TOP1MT: variants seen among roughly 807,000 people sequenced by gnomAD.
The protein encoded by TOP1MT is DNA topoisomerase I mitochondrial.
In TOP1MT, 80 loss-of-function variants were observed where a neutral mutation model predicts 73.9. The observed-to-expected ratio is 1.08, with a 90% CI of 0.90 to 1.30. TOP1MT has a LOEUF of 1.30. Ranked by LOEUF, TOP1MT falls within the 50% of genes most tolerant of loss-of-function variation. The pLI is 0.00. For synonymous variants in TOP1MT, 338 were observed against 326.4 expected, an observed-to-expected ratio of 1.04 and a Z score of -0.38; for missense variants, 815 against 808.0, an observed-to-expected ratio of 1.01 and a Z score of -0.10.
Position 143,329,348 on chromosome 8 carries a change from A to C in TOP1MT, c.360+2T>G, listed in dbSNP as rs773764755. The C allele has an allele frequency of 2.5e-5, 40 of 1,603,030 alleles. No homozygotes were observed. The highest frequency in any genetic ancestry group is 2.5e-6 in the Non-Finnish European group (3 of 1,176,728). On this transcript the variant is annotated splice_donor_variant, in intron 3 of 13. Transcript: ENST00000329245. LOFTEE classifies it high-confidence loss of function. ...GCTGTGGCGGCCGCCCAGGGTACCTACCTTTCGCCAGTCATTGAAGAAGTT... is the reference window on the plus strand; with the variant it reads ...GCTGTGGCGGCCGCCCAGGGTACCTCCCTTTCGCCAGTCATTGAAGAAGTT...
chr8:143,338,686 G>A (rs1471822892), upstream of TOP1MT, among the ~76,000 whole-genome samples: 1 of 152,240 alleles, frequency 6.6e-6, no homozygotes, highest in Non-Finnish European at 1.5e-5. Flanking sequence ...CATCAGCCAT[G>A]GGAGAAATGC....
At chr8:143,358,502 G>A (rs1817449054), upstream of TOP1MT, 1 of 152,228 alleles carries the variant, frequency 6.6e-6, no homozygotes, top group Non-Finnish European at 1.5e-5. Context: ...TGGGCAAGCA[G>A]GTGAAGCACC....
intron 12 of TOP1MT, among the ~76,000 whole-genome samples, chr8:143,313,126 G>GTA (rs1487274803): frequency 6.6e-6 from 1 of 152,204 alleles, no homozygotes; most frequent in Non-Finnish European, 1.5e-5. Flanking sequence ...TGACCTAAAT[G>GTA]TAAGAGTAAA....
In TOP1MT at chr8:143,315,718, G is replaced by T. The variant is rs1237424418; in HGVS notation, c.1553+9C>A. The T allele has an allele frequency of 6.2e-7, 1 of 1,612,668 alleles. No individual in the cohort carries two copies. On this transcript the variant is annotated intron_variant, in intron 12 of 13. Transcript: ENST00000329245. ...CCGGGAGAAGGCGTCTGAGGGCACGGGTACTCACCTCCTGGACTTGCCATC... is the reference window on the plus strand; with the variant it reads ...CCGGGAGAAGGCGTCTGAGGGCACGTGTACTCACCTCCTGGACTTGCCATC...
At chr8:143,336,703 C>T (rs1333270496), upstream of TOP1MT, among the ~76,000 whole-genome samples, 1 of 152,150 alleles carries the variant, frequency 6.6e-6, no homozygotes, top group East Asian at 1.9e-4. Context: ...CAAAAATTGG[C>T]CGAGCACCGT....
rs1318320831 is a variant in TOP1MT, at chr8:143,316,111, G to A, written c.1346C>T (p.Ala449Val). 1.9e-6 allele frequency: 3 copies of A among 1,614,036 alleles called. No homozygotes were observed. Among genetic ancestry groups the A allele is most frequent in the Non-Finnish European group, 2.5e-6 (3 of 1,179,998 alleles). Residue 449 changes from alanine (A) to valine (V), a missense_variant, in exon 11 of 14, where the codon GCA becomes GTA. By Grantham distance (64) the Ala-to-Val change is moderately conservative. Coordinates refer to ENST00000329245, the MANE Select transcript of TOP1MT (RefSeq NM_052963.3). ...TCGGTTGTAGGATAAGATCTTAGCTGCTATGCTGTCCTCGGCTGAGAGGCA... is the reference window on the plus strand; with the variant it reads ...TCGGTTGTAGGATAAGATCTTAGCTACTATGCTGTCCTCGGCTGAGAGGCA... Reference protein sequence around the residue: ...RALTRAEDSIAAKILSYNRAN... With the variant: ...RALTRAEDSIVAKILSYNRAN...
intron 2 of TOP1MT, among the ~76,000 whole-genome samples, chr8:143,340,806 C>T (rs757989321): frequency 1.3e-5 from 2 of 152,224 alleles, no homozygotes; most frequent in Admixed American, 6.5e-5. Flanking sequence ...TCCTGTCCCA[C>T]TTTTGTGCCA....
chr8:143,314,131 C>T (rs1170600966), intron 12 of TOP1MT, among the ~76,000 whole-genome samples: 2 of 152,146 alleles, frequency 1.3e-5, no homozygotes, highest in Non-Finnish European at 2.9e-5. Flanking sequence ...CCCTCACACA[C>T]TGCTGGTGGG....
intron 7 of TOP1MT, among the ~76,000 whole-genome samples, chr8:143,321,791 G>A (rs1237937131): frequency 2.2e-4 from 8 of 36,658 alleles, no homozygotes; most frequent in Middle Eastern, 0.026. Context: ...CGCCACACAC[G>A]CACGCCACAC....
At chr8:143,328,963 G>T (rs113967048) in intron 3 of TOP1MT, among the ~76,000 whole-genome samples, 2 of 152,208 alleles carry the variant, frequency 1.3e-5, no homozygotes, top group Non-Finnish European at 2.9e-5. Context: ...TTCTCGCCAA[G>T]CATGTCTTCC....
At chr8:143,324,423 C>T in intron 6 of TOP1MT, 62 bp downstream of exon 6, 8 of 1,609,566 alleles carry the variant, frequency 5.0e-6, no homozygotes, top group Non-Finnish European at 6.8e-6. Context: ...TACACACCTC[C>T]CTGCCGGCGT....
chr8:143,323,278 C>CAG (rs200364812), intron 7 of TOP1MT, among the ~76,000 whole-genome samples: 1 of 109,512 alleles, frequency 9.1e-6, no homozygotes, highest in African/African-American at 3.8e-5. Context: ...ACGCCACACA[C>CAG]GCACGCCACA....
chr8:143,318,036 G>A lies in TOP1MT; in HGVS notation c.1197C>T (p.Asp399=). ...GGCTTACGGTCAGCCTGTCGAAGAG[G>A]TCGTCCCGGGGGTCCTTGTTCTCCA... is the stretch of plus-strand genomic sequence containing the variant. ...LFMENKDPRD[D]LFDRLTTTSL... Residue 399 remains aspartate, a synonymous_variant, in exon 9 of 14, where the codon GAC becomes GAT. Coordinates refer to ENST00000329245, the MANE Select transcript of TOP1MT (RefSeq NM_052963.3). 7 of 1,614,168 alleles carry A rather than the reference G, an allele frequency of 4.3e-6. No homozygotes were observed. Among genetic ancestry groups the A allele is most frequent in the African/African-American group, 1.3e-5 (1 of 75,048 alleles).
intron 8 of TOP1MT, among the ~76,000 whole-genome samples, chr8:143,318,905 T>C (rs745542760): frequency 2.4e-4 from 37 of 152,364 alleles, no homozygotes; most frequent in Non-Finnish European, 4.4e-4. Flanking sequence ...ACCGCTGATC[T>C]TGACGAGGCT....
In TOP1MT at chr8:143,329,339, A is replaced by G. The variant is rs748450365; in HGVS notation, c.360+11T>C. On this transcript the variant is annotated intron_variant, in intron 3 of 13. Transcript: ENST00000329245. ...TCCAGGACAGCTGTGGCGGCCGCCC[A>G]GGGTACCTACCTTTCGCCAGTCATT... 3.1e-6 allele frequency: 5 copies of G among 1,595,416 alleles called. No individual in the cohort carries two copies. The East Asian group carries it at 1.2e-4, about 37-fold the overall frequency.
chr8:143,325,449 T>C lies in TOP1MT; in HGVS notation c.568A>G (p.Lys190Glu), dbSNP rs779080856. ...DGHQEKIGNF[K>E]IEPPGLFRGR... ...CGGAACAAGCCAGGCGGCTCAATCT[T>C]GAAGTTGCCTATTTTTTCTTGGTGA... Residue 190 changes from lysine (K) to glutamate (E), a missense_variant, in exon 5 of 14, where the codon AAG (lysine) becomes GAG (glutamate). Lys to Glu is a moderately conservative substitution (Grantham distance 56). This residue lies in a region of TOP1MT where 751 missense variants were observed against 725.4 expected (regional missense o/e 1.04). Transcript: ENST00000329245. 2 of 1,613,602 alleles carry C rather than the reference T, an allele frequency of 1.2e-6. No individual in the cohort carries two copies. The highest frequency in any genetic ancestry group is 1.7e-6 in the Non-Finnish European group (2 of 1,179,572).
intron 12 of TOP1MT, among the ~76,000 whole-genome samples, chr8:143,312,410 T>G (rs1437101120): frequency 6.6e-6 from 1 of 152,216 alleles, no homozygotes; most frequent in Non-Finnish European, 1.5e-5. Context: ...AAGGATGGTT[T>G]CATATCTGAT....
chr8:143,333,458 T>A (rs1221941284), intron 1 of TOP1MT, among the ~76,000 whole-genome samples: 2 of 151,978 alleles, frequency 1.3e-5, no homozygotes, highest in South Asian at 2.1e-4. Flanking sequence ...CAAATAATAA[T>A]AATAAAAATA....
chr8:143,356,402 T>C (rs1044125814), upstream of TOP1MT, among the ~76,000 whole-genome samples: 4 of 152,282 alleles, frequency 2.6e-5, no homozygotes, highest in South Asian at 4.1e-4. Flanking sequence ...AAATTTGACA[T>C]AAATGCACCT....
Sources: allele counts gnomAD v4.1 joint callset (sites outside exome capture counted in the v4.1 genomes callset), GRCh38; gene constraint gnomAD v4.1.1; regional missense constraint gnomAD v4.1.1; transcripts MANE v1.5; gene names NCBI Gene and HGNC (gene_info 2026-07-23, HGNC 2026-07-21).